LYSMD1: variants seen among roughly 807,000 people sequenced by gnomAD.
LYSMD1 encodes lysM and putative peptidoglycan-binding domain-containing protein 1.
A neutral mutation model predicts 19.3 loss-of-function variants in LYSMD1; 9 were observed. The ratio of observed to expected loss-of-function variants is 0.47; its 90% CI spans 0.28 to 0.81. LYSMD1 has a LOEUF of 0.81. LYSMD1 is among the 40% of genes least tolerant of loss of function. The pLI is 0.11. For synonymous variants in LYSMD1, 111 were observed against 111.7 expected (o/e 0.99, Z 0.04); for missense variants, 262 against 279.8 (o/e 0.94, Z 0.45).
At position 151,162,002 on chromosome 1, in the gene LYSMD1, C is replaced by T. The variant is rs1428338059; in HGVS notation, c.279G>A (p.Leu93=). ...CTTCCTCAGAGTCCAAACCATTGAA[C>T]AGGTCTCTGGGCTCTGTCAGGATGG... ...YIPILTEPRD[L]FNGLDSEEEK... Residue 93 remains leucine (L), a synonymous_variant, in exon 2 of 3, where the codon CTG becomes CTA. Transcript: ENST00000368908. The T allele has an allele frequency of 2.5e-6, 4 of 1,613,966 alleles. No homozygotes were observed. The highest frequency in any genetic ancestry group is 2.5e-6 in the Non-Finnish European group (3 of 1,180,000).
chr1:151,163,578 G>A (rs970327713), intron 1 of LYSMD1, among the ~76,000 whole-genome samples: 2 of 151,990 alleles, frequency 1.3e-5, no homozygotes, highest in African/African-American at 4.8e-5. Flanking sequence ...GCCCAGCCTG[G>A]AGTGTAGTGG....
the LYSMD1 span, among the ~76,000 whole-genome samples, chr1:151,151,996 G>A: frequency 6.6e-6 from 1 of 151,204 alleles, no homozygotes; most frequent in Non-Finnish European, 1.5e-5. Flanking sequence ...TAATTGTAAT[G>A]CCTGGCATAC....
Position 151,162,100 on chromosome 1 carries a change from T to C in LYSMD1, c.181A>G (p.Met61Val). 4 of 1,557,340 alleles carry C rather than the reference T, an allele frequency of 2.6e-6. No homozygotes were observed. The highest frequency in any genetic ancestry group is 3.4e-6 in the Non-Finnish European group (4 of 1,168,674). ...CGGTTTGCACGTTTAATCTGTTCCA[T>C]CTTAAAAAAAAAAGTCACCAAAATT... ...AGLALKYGVT[M>V]EQIKRANRLY... Residue 61 changes from methionine (M) to valine (V), a missense_variant and splice_region_variant, in exon 2 of 3, where the codon ATG (methionine) becomes GTG (valine). By Grantham distance (21) the Met-to-Val change is conservative (BLOSUM62 1). Transcript: ENST00000368908.
chr1:151,152,999 A>G, the LYSMD1 span, among the ~76,000 whole-genome samples: 3,226 of 152,312 alleles, frequency 0.021, 97 homozygotes, highest in African/African-American at 0.073. Flanking sequence ...TAGATTATAC[A>G]GTGGAAAGAG....
the LYSMD1 span, among the ~76,000 whole-genome samples, chr1:151,150,583 AC>A: frequency 6.6e-6 from 1 of 151,774 alleles, no homozygotes; most frequent in Non-Finnish European, 1.5e-5. Context: ...GTGCCATTTG[AC>A]CTGTTGACTC....
intron 1 of LYSMD1, among the ~76,000 whole-genome samples, chr1:151,162,417 C>A (rs1023371099): frequency 6.6e-6 from 1 of 151,564 alleles, no homozygotes; most frequent in African/African-American, 2.4e-5. Context: ...TATAGTGAGA[C>A]GCCATTTCTA....
At chr1:151,157,285 A>G (rs1683257099), downstream of LYSMD1, among the ~76,000 whole-genome samples, 1 of 152,184 alleles carries the variant, frequency 6.6e-6, no homozygotes, top group East Asian at 1.9e-4. Context: ...AGCTGGGGAA[A>G]AAAACCCCCA....
intron 1 of LYSMD1, among the ~76,000 whole-genome samples, chr1:151,162,388 T>TA (rs1558201589): frequency 6.6e-6 from 1 of 152,082 alleles, no homozygotes. Flanking sequence ...GCCCGGGAAT[T>TA]AGAGTCCAGC....
chr1:151,159,118 G>A (rs1683341672), downstream of LYSMD1: 5 of 1,614,132 alleles, frequency 3.1e-6, no homozygotes, highest in Non-Finnish European at 4.2e-6. Context: ...CAAGTCACAT[G>A]GCCGCATCCG....
intron 1 of LYSMD1, 28 bp downstream of exon 1, chr1:151,165,051 G>C (rs1165312682): frequency 1.0e-5 from 16 of 1,600,582 alleles, no homozygotes; most frequent in Non-Finnish European, 1.4e-5. Flanking sequence ...CCTGACTGTT[G>C]TCTTCACCCC....
downstream of LYSMD1, chr1:151,156,799 A>G (rs587652982): frequency 6.6e-6 from 1 of 152,338 alleles, no homozygotes; most frequent in Non-Finnish European, 1.5e-5. Context: ...TTTCAGTCTT[A>G]GCTTTTCATA....
chr1:151,165,009 G>A, intron 1 of LYSMD1, 70 bp downstream of exon 1: 4 of 1,359,120 alleles, frequency 2.9e-6, no homozygotes, highest in Non-Finnish European at 3.1e-6. Context: ...TACCTAGAAG[G>A]GCCACTACAT....
the LYSMD1 span, among the ~76,000 whole-genome samples, chr1:151,149,380 CAGAG>C: frequency 1.5e-3 from 219 of 150,478 alleles, no homozygotes; most frequent in Non-Finnish European, 5.2e-4. Flanking sequence ...CTGGGTGACA[CAGAG>C]GGAGACTCTT....
At chr1:151,159,497 A>G (rs770371833), downstream of LYSMD1, 9 of 467,080 alleles carry the variant, frequency 1.9e-5, no homozygotes, top group Non-Finnish European at 3.6e-5. Flanking sequence ...ACTGCCTGAA[A>G]AAGGTGAAGT....
At chr1:151,154,593 GTTA>G in the LYSMD1 span, among the ~76,000 whole-genome samples, 1 of 152,040 alleles carries the variant, frequency 6.6e-6, no homozygotes, top group African/African-American at 2.4e-5. Context: ...GAATCCAGAA[GTTA>G]TTATTGTATT....
chr1:151,152,071 G>A, the LYSMD1 span, among the ~76,000 whole-genome samples: 4 of 151,362 alleles, frequency 2.6e-5, no homozygotes, highest in Non-Finnish European at 5.9e-5. Context: ...ATGGCTCAGA[G>A]GAAAAACAAC....
chr1:151,154,306 CCT>C, the LYSMD1 span, among the ~76,000 whole-genome samples: 1 of 152,074 alleles, frequency 6.6e-6, no homozygotes, highest in African/African-American at 2.4e-5. Flanking sequence ...ATGGCGAAAC[CCT>C]GTCTCTACTA....
At chr1:151,157,571 C>T (rs1191561763), downstream of LYSMD1, among the ~76,000 whole-genome samples, 1 of 152,182 alleles carries the variant, frequency 6.6e-6, no homozygotes, top group Non-Finnish European at 1.5e-5. Flanking sequence ...CTCGTGCTTC[C>T]TCAGTGTGCT....
chr1:151,157,198 G>A (rs1322563809), downstream of LYSMD1, among the ~76,000 whole-genome samples: 4 of 152,136 alleles, frequency 2.6e-5, no homozygotes, highest in East Asian at 1.9e-4. Context: ...CTCCTCTTCC[G>A]GCTGGGGAGC....
Sources: gnomAD v4.1 joint callset for allele counts (sites outside exome capture counted in the v4.1 genomes callset) on GRCh38, gnomAD v4.1.1 for gene constraint, MANE v1.5 for transcripts, NCBI Gene and HGNC (gene_info 2026-07-23, HGNC 2026-07-21) for gene names.